The following PCSK7 variants were observed in gnomAD, a reference collection of about 807,000 sequenced individuals.
The protein encoded by PCSK7 is lymphoma proprotein convertase.
A neutral mutation model predicts 73.3 loss-of-function variants in PCSK7; 38 were observed. That is an observed-to-expected ratio of 0.52 (90% CI 0.40 to 0.68). PCSK7 has a LOEUF of 0.68. Ranked by LOEUF, PCSK7 falls within the 30% of genes least tolerant of loss-of-function variation. The probability of loss-of-function intolerance (pLI) is 0.00; values close to 1 mark genes in which losing one functional copy is unlikely to be tolerated. For synonymous variants in PCSK7, 296 were observed against 383.8 expected, an observed-to-expected ratio of 0.77 and a Z score of 2.68; for missense variants, 692 against 991.5, an observed-to-expected ratio of 0.70 and a Z score of 4.06.
chr11:117,227,905 AGGG>A (rs1471633563), intron 4 of PCSK7, among the ~76,000 whole-genome samples: 1 of 152,144 alleles, frequency 6.6e-6, no homozygotes, highest in African/African-American at 2.4e-5. Flanking sequence ...AAAGGCAGGT[AGGG>A]CTCCCTAGAG....
At chr11:117,226,191 C>A in intron 5 of PCSK7, 170 bp from the exon 6 acceptor site, 2 of 601,766 alleles carry the variant, frequency 3.3e-6, no homozygotes, top group Non-Finnish European at 5.9e-6. Context: ...GACTGGAGTG[C>A]AGTGGCATGA....
intron 1 of PCSK7, among the ~76,000 whole-genome samples, chr11:117,231,557 T>TCC (rs779528104): frequency 1.3e-3 from 191 of 152,318 alleles, no homozygotes; most frequent in Non-Finnish European, 2.2e-3. Flanking sequence ...AAGCAGGAGC[T>TCC]CCTTCTGTCT....
At position 117,206,201 on chromosome 11, in the gene PCSK7, T is replaced by G; in HGVS notation, c.2154A>C (p.Thr718=). ...HRSRKAKEEG[T]ELESVPLCSS... is the part of the protein sequence containing the mutation. ...TGCAAAGTGGCACTGATTCTAGCTC[T>G]GTCCCTTCCTCCTTGGCTTTCCGGC... is the stretch of plus-strand genomic sequence containing the variant. The change falls in exon 17 of 17, where the codon ACA becomes ACC. Residue 718 remains threonine (T), a synonymous_variant. Coordinates refer to ENST00000320934, the MANE Select transcript of PCSK7 (RefSeq NM_004716.4). 1 of 1,614,116 alleles carries G rather than the reference T, an allele frequency of 6.2e-7. No homozygotes were observed. Among genetic ancestry groups the G allele is most frequent in the Non-Finnish European group, 8.5e-7 (1 of 1,179,968 alleles).
intron 3 of PCSK7, among the ~76,000 whole-genome samples, chr11:117,228,786 A>G (rs989022650): frequency 6.6e-6 from 1 of 151,772 alleles, no homozygotes; most frequent in Non-Finnish European, 1.5e-5. Flanking sequence ...ACGCCTGGCT[A>G]ATTTTTTGTA....
rs750883127 is a variant in PCSK7 at position 117,229,367 on chromosome 11, C to T, written c.468+10G>A. ...CCACCTGAAACTGCAAACTGCAGGA[C>T]TGGACTCACCAGGTGCCATTGCTGC... On this transcript the variant is annotated intron_variant, in intron 3 of 16. Transcript: ENST00000320934. The T allele has an allele frequency of 1.9e-6, 3 of 1,596,944 alleles. No homozygotes were observed. The highest frequency in any genetic ancestry group is 2.6e-6 in the Non-Finnish European group (3 of 1,175,022).
chr11:117,229,674 G>A lies in PCSK7; in HGVS notation c.171C>T (p.His57=), dbSNP rs749694821. 8 of 1,613,850 alleles carry A rather than the reference G, an allele frequency of 5.0e-6. No individual in the cohort carries two copies. The highest frequency in any genetic ancestry group is 1.1e-5 in the South Asian group (1 of 91,078). ...QGTGGPSWAV[H]LESLEGDGEE... ...CCCCGTCACCTTCCAGGCTTTCCAG[G>A]TGCACAGCCCAGCTCGGCCCCCCTG... is the stretch of plus-strand genomic sequence containing the variant. Residue 57 remains histidine, a synonymous_variant, in exon 3 of 17, where the codon CAC becomes CAT. Transcript: ENST00000320934.
chr11:117,227,893 A>G (rs899869201), intron 4 of PCSK7, among the ~76,000 whole-genome samples: 4 of 152,200 alleles, frequency 2.6e-5, no homozygotes, highest in African/African-American at 9.7e-5. Flanking sequence ...GAAACCTGGA[A>G]AAAAGGCAGG....
chr11:117,228,206 G>T lies in PCSK7; in HGVS notation c.603+10C>A, dbSNP rs775805447. The T allele has an allele frequency of 6.2e-7, 1 of 1,612,630 alleles. No individual in the cohort carries two copies. The highest frequency in any genetic ancestry group is 2.2e-5 in the East Asian group (1 of 44,862). ...TGGGGAGTGAGGGGTGTCGTTCCAG[G>T]GCCACTCACATAGTTGGGTGCAATG... is the stretch of plus-strand genomic sequence containing the variant. On this transcript the variant is annotated intron_variant, in intron 4 of 16. Transcript: ENST00000320934.
At chr11:117,225,619 TG>T in intron 6 of PCSK7, 1 of 384,738 alleles carries the variant, frequency 2.6e-6, no homozygotes, top group Non-Finnish European at 4.8e-6. Context: ...GGATTGGTGT[TG>T]GGCATTCAGC....
rs2031428267 is a variant in PCSK7, at chr11:117,206,714, T to C, written c.1965A>G (p.Glu655=). ...TGTTGGGGGTGATGGTGTAACCATCTTCCTCAGGAATTTTCAGCCCCGGTG... is the reference window on the plus strand; with the variant it reads ...TGTTGGGGGTGATGGTGTAACCATCCTCCTCAGGAATTTTCAGCCCCGGTG... ...PCPPGLKIPE[E]DGYTITPNTL... The change falls in exon 16 of 17, where the codon GAA becomes GAG. Residue 655 remains glutamate, a synonymous_variant. Transcript: ENST00000320934. 1.5e-6 allele frequency: 1 copy of C among 682,130 alleles called. No homozygotes were observed. The highest frequency in any genetic ancestry group is 2.7e-6 in the Non-Finnish European group (1 of 375,888). The allele number at this position is 682,130 out of a possible 1,614,324, so 42.3% of individuals were successfully genotyped here.
At chr11:117,231,573 T>C (rs1485858748) in intron 1 of PCSK7, among the ~76,000 whole-genome samples, 1 of 152,214 alleles carries the variant, frequency 6.6e-6, no homozygotes, top group Non-Finnish European at 1.5e-5. Context: ...TGTCTACTAG[T>C]GGCAAAGCAG....
chr11:117,224,393 C>T (rs903531757), intron 7 of PCSK7, among the ~76,000 whole-genome samples, 177 bp from the exon 8 acceptor site: 3 of 152,032 alleles, frequency 2.0e-5, no homozygotes, highest in Non-Finnish European at 4.4e-5. Context: ...GTGAGTTGAC[C>T]CAGGATGTGG....
Position 117,219,179 on chromosome 11 carries a change from G to A in PCSK7, c.1324-15C>T, listed in dbSNP as rs770374952. The A allele has an allele frequency of 1.3e-6, 2 of 1,558,660 alleles. No homozygotes were observed. Among genetic ancestry groups the A allele is most frequent in the Non-Finnish European group, 1.8e-6 (2 of 1,137,938 alleles). On this transcript the variant is annotated splice_polypyrimidine_tract_variant and intron_variant, in intron 10 of 16. Transcript: ENST00000320934. ...CGATCCTCATACTGAAAGGACAGAGGTCCTGGTTAGTCTCTTGCATTGCCA... is the reference window on the plus strand; with the variant it reads ...CGATCCTCATACTGAAAGGACAGAGATCCTGGTTAGTCTCTTGCATTGCCA...
At chr11:117,217,087 C>G (rs1198240415) in intron 12 of PCSK7, 1 of 152,186 alleles carries the variant, frequency 6.6e-6, no homozygotes, top group Non-Finnish European at 1.5e-5. Context: ...ATCCTGCTTT[C>G]TCCACTAGGC....
At position 117,218,312 on chromosome 11, in the gene PCSK7, A is replaced by G. The variant is rs1242994381; in HGVS notation, c.1534+154T>C. 4.5e-6 allele frequency: 2 copies of G among 445,524 alleles called. No homozygotes were observed. The highest frequency in any genetic ancestry group is 3.5e-5 in the East Asian group (1 of 28,232). 27.6% of individuals were successfully genotyped at this position (445,524 alleles called of 1,614,324 possible). ...GGGGAGCCAACTCAGAAGCAGTAAC[A>G]TGTCCTAAAATGGTCAAAGAAAACT... On this transcript the variant is annotated intron_variant, in intron 12 of 16. Coordinates refer to ENST00000320934, the MANE Select transcript of PCSK7 (RefSeq NM_004716.4). This position sits in a 1 kb window ranked among gnomAD's most constrained non-coding sequence, Gnocchi z 4.0.
chr11:117,206,254 T>G lies in PCSK7; in HGVS notation c.2101A>C (p.Ser701Arg). Reference protein sequence around the residue: ...RNVASNQVCRSGPCHWPHRSR... With the variant: ...RNVASNQVCRRGPCHWPHRSR... ...CGATGGGGCCAGTGGCAGGGTCCAC[T>G]CCTACAAACTTGATTGGAAGCCACA... The change falls in exon 17 of 17, where the codon AGT (serine) becomes CGT (arginine). Residue 701 changes from serine (S) to arginine (R), a missense_variant. This residue lies in a region of PCSK7 where 78 missense variants were observed against 102.6 expected (regional missense o/e 0.76). Coordinates refer to ENST00000320934, the MANE Select transcript of PCSK7 (RefSeq NM_004716.4). The G allele has an allele frequency of 8.7e-6, 14 of 1,614,162 alleles. No individual in the cohort carries two copies. The highest frequency in any genetic ancestry group is 1.1e-5 in the South Asian group (1 of 91,086).
intron 12 of PCSK7, chr11:117,213,956 C>CTTTTTTTTTTTTTTT (rs1174445276): frequency 3.2e-5 from 3 of 93,950 alleles, no homozygotes; most frequent in Non-Finnish European, 6.0e-5. Context: ...TTTTCTTTTT[C>CTTTTTTTTTTTTTTT]TTTTTTTTTT....
At chr11:117,224,645 CG>C in intron 7 of PCSK7, 55 bp downstream of exon 7, 1 of 1,382,924 alleles carries the variant, frequency 7.2e-7, no homozygotes, top group Non-Finnish European at 1.0e-6. Context: ...GCAGTTCTCC[CG>C]GGACTGTATG....
In PCSK7 at chr11:117,218,057, G is replaced by C. The variant is rs2032054429; in HGVS notation, c.1534+409C>G. 6.5e-6 allele frequency: 1 copy of C among 153,460 alleles called. No individual in the cohort carries two copies. Among genetic ancestry groups the C allele is most frequent in the Admixed American group, 6.5e-5 (1 of 15,290 alleles). 9.5% of individuals were successfully genotyped at this position (153,460 alleles called of 1,614,324 possible). A position where few individuals can be genotyped will look rare whatever the true frequency, so the allele number is the denominator to read the frequency against. On this transcript the variant is annotated intron_variant, in intron 12 of 16. Coordinates refer to ENST00000320934, the MANE Select transcript of PCSK7 (RefSeq NM_004716.4). The surrounding 1 kb of genome is among the most constrained non-coding windows in gnomAD (Gnocchi z 4.0). ...CTATTAGGTAAGCCAGAGAATCAAAGGAAGAAATGCCTAACTCCTTTACTT... is the reference window on the plus strand; with the variant it reads ...CTATTAGGTAAGCCAGAGAATCAAACGAAGAAATGCCTAACTCCTTTACTT...
Sources: allele counts gnomAD v4.1 joint callset (sites outside exome capture counted in the v4.1 genomes callset), GRCh38; gene constraint gnomAD v4.1.1; regional missense constraint gnomAD v4.1.1; non-coding constraint Gnocchi (gnomAD v3.1); transcripts MANE v1.5; gene names NCBI Gene and HGNC (gene_info 2026-07-23, HGNC 2026-07-21).